CNGA1: variants seen among roughly 807,000 people sequenced by gnomAD.
CNGA1 encodes cyclic nucleotide gated channel subunit alpha 1.
CNGA1 carries 53 observed loss-of-function variants against 69.7 expected under a neutral mutation model. The observed-to-expected ratio is 0.76, with a 90% CI of 0.61 to 0.96. The LOEUF is 0.96. Ranked by LOEUF, CNGA1 falls within the 40% of genes least tolerant of loss-of-function variation. The pLI is 0.00. For synonymous variants in CNGA1, 249 were observed against 283.5 expected (o/e 0.88, Z 1.22); for missense variants, 739 against 811.2 (o/e 0.91, Z 1.08).
At chr4:47,962,435 A>G (rs1202117510) in intron 3 of CNGA1, among the ~76,000 whole-genome samples, 1 of 151,880 alleles carries the variant, frequency 6.6e-6, no homozygotes, top group Non-Finnish European at 1.5e-5. Context: ...AAAAAAAAGT[A>G]TACGTTTTTA....
intron 3 of CNGA1, among the ~76,000 whole-genome samples, chr4:47,976,452 C>T (rs944564809): frequency 1.1e-4 from 16 of 150,764 alleles, no homozygotes; most frequent in African/African-American, 3.4e-4. Flanking sequence ...CTCTTTATAT[C>T]CCCTGAGAGA....
chr4:48,002,573 T>C (rs1028989648), intron 2 of CNGA1, among the ~76,000 whole-genome samples: 3 of 131,606 alleles, frequency 2.3e-5, no homozygotes, highest in African/African-American at 9.6e-5. Context: ...TTGACTGGGG[T>C]GGAGATGAAA....
At chr4:47,977,901 A>G (rs1741499410) in intron 3 of CNGA1, among the ~76,000 whole-genome samples, 1 of 151,244 alleles carries the variant, frequency 6.6e-6, no homozygotes, top group African/African-American at 2.4e-5. Context: ...ATCTCGGCTC[A>G]CTGCAACCTC....
intron 2 of CNGA1, among the ~76,000 whole-genome samples, chr4:47,990,881 C>A (rs2581492): frequency 6.6e-6 from 1 of 152,032 alleles, no homozygotes; most frequent in East Asian, 1.9e-4. Flanking sequence ...CACTTACGAG[C>A]GAGAATATAC....
intron 4 of CNGA1, 97 bp from the exon 5 acceptor site, chr4:47,951,566 T>A (rs1334062283): frequency 1.2e-6 from 1 of 801,140 alleles, no homozygotes; most frequent in African/African-American, 1.7e-5. Flanking sequence ...CCTCACCTCT[T>A]TTCCTTCCCT....
At chr4:47,953,928 T>G (rs1021259066) in intron 3 of CNGA1, among the ~76,000 whole-genome samples, 1 of 148,750 alleles carries the variant, frequency 6.7e-6, no homozygotes, top group African/African-American at 2.5e-5. Flanking sequence ...CCCTCGGACC[T>G]AAGTGAAAAC....
intron 2 of CNGA1, among the ~76,000 whole-genome samples, chr4:48,007,664 T>C (rs974081421): frequency 1.8e-5 from 1 of 54,766 alleles, no homozygotes; most frequent in Non-Finnish European, 5.3e-5. Flanking sequence ...GTAATAACCT[T>C]AACTTAAAAA....
chr4:47,979,460 A>G (rs1741586678), intron 3 of CNGA1, among the ~76,000 whole-genome samples: 1 of 152,212 alleles, frequency 6.6e-6, no homozygotes, highest in Non-Finnish European at 1.5e-5. Flanking sequence ...CTTATAAAAT[A>G]TAGTAGCCCA....
At chr4:47,977,654 GA>G (rs1404953248) in intron 3 of CNGA1, among the ~76,000 whole-genome samples, 1 of 152,024 alleles carries the variant, frequency 6.6e-6, no homozygotes, top group African/African-American at 2.4e-5. Context: ...ATTTTTATTA[GA>G]GTTCATTTAA....
intron 3 of CNGA1, chr4:47,970,993 T>C (rs1348837296): frequency 8.8e-6 from 4 of 453,394 alleles, no homozygotes; most frequent in Non-Finnish European, 1.8e-5. Context: ...CCATCTCTAC[T>C]AAAAATACAA....
Position 47,936,334 on chromosome 4 carries a change from T to G in CNGA1, c.*87A>C. The G allele has an allele frequency of 2.0e-6, 3 of 1,473,848 alleles. No homozygotes were observed. The highest frequency in any genetic ancestry group is 2.8e-6 in the Non-Finnish European group (3 of 1,059,222). The allele number at this position is 1,473,848 out of a possible 1,614,324, so 91.3% of individuals were successfully genotyped here. On this transcript the variant is annotated 3_prime_UTR_variant, in exon 11 of 11. Coordinates refer to ENST00000514170, the MANE Select transcript of CNGA1 (RefSeq NM_001379270.1). ...ATGGAAAAATTTCCCAACTGAGTCT[T>G]CCTCTTCTTTTAAATTTTAGTTGAT... is the stretch of plus-strand genomic sequence containing the variant.
In CNGA1 at chr4:47,936,739, T is replaced by C; in HGVS notation, c.1743A>G (p.Leu581=). 1 of 1,614,098 alleles carries C rather than the reference T, an allele frequency of 6.2e-7. No individual in the cohort carries two copies. The highest frequency in any genetic ancestry group is 8.5e-7 in the Non-Finnish European group (1 of 1,179,946). The change falls in exon 11 of 11, where the codon CTA becomes CTG. Residue 581 remains leucine, a synonymous_variant. Transcript: ENST00000514170. ...CLSKDDLMEA[L]TEYPDAKTML... is the part of the protein sequence containing the mutation. ...TAGTTTTGGCATCTGGGTACTCAGTTAGAGCTTCCATGAGGTCATCTTTTG... is the reference window on the plus strand; with the variant it reads ...TAGTTTTGGCATCTGGGTACTCAGTCAGAGCTTCCATGAGGTCATCTTTTG...
intron 1 of CNGA1, among the ~76,000 whole-genome samples, chr4:48,013,769 G>C (rs983220491): frequency 2.6e-5 from 4 of 152,182 alleles, no homozygotes; most frequent in Admixed American, 1.3e-4. Context: ...GCAAGATGGA[G>C]GATGAATTAC....
chr4:47,942,203 T>C, intron 8 of CNGA1, 55 bp from the exon 9 acceptor site: 1 of 1,111,444 alleles, frequency 9.0e-7, no homozygotes, highest in Non-Finnish European at 1.4e-6. Flanking sequence ...AACATTTTTA[T>C]TTACCATGTT....
chr4:47,983,741 CAAAG>C (rs1741853328), intron 2 of CNGA1, among the ~76,000 whole-genome samples: 1 of 152,098 alleles, frequency 6.6e-6, no homozygotes, highest in African/African-American at 2.4e-5. Flanking sequence ...AACAGACACA[CAAAG>C]AAATTATCAA....
chr4:47,942,583 A>G (rs1454549228), intron 8 of CNGA1, among the ~76,000 whole-genome samples: 1 of 152,136 alleles, frequency 6.6e-6, no homozygotes, highest in Non-Finnish European at 1.5e-5. Context: ...TGGGGTCCCC[A>G]ACCCCCGGGC....
At position 47,993,457 on chromosome 4, in the gene CNGA1, T is replaced by A. The variant is rs573314357; in HGVS notation, c.-122-11957A>T. ...GGAATTTATCCATCTCTTCTAGGTA[T>A]CCTGGTTTATGTGTGTAAAGGCGTT... On this transcript the variant is annotated intron_variant, in intron 2 of 10. Coordinates refer to ENST00000514170, the MANE Select transcript of CNGA1 (RefSeq NM_001379270.1). Among the ~76,000 whole-genome samples, 5 of 152,286 alleles carry A rather than the reference T, an allele frequency of 3.3e-5. No homozygotes were observed. The East Asian group carries it at 9.7e-4, about 29-fold the overall frequency.
intron 10 of CNGA1, among the ~76,000 whole-genome samples, chr4:47,938,395 G>A (rs1163507169): frequency 1.3e-5 from 1 of 75,492 alleles, no homozygotes; most frequent in Non-Finnish European, 2.7e-5. Context: ...GTTACTAAGT[G>A]CATTTTTTTT....
intron 2 of CNGA1, among the ~76,000 whole-genome samples, chr4:48,010,185 GA>G (rs1273297694): frequency 6.6e-6 from 1 of 152,180 alleles, no homozygotes; most frequent in East Asian, 1.9e-4. Context: ...GCTAGAGGGA[GA>G]TTGATGATGG....
Sources: allele counts gnomAD v4.1 joint callset (sites outside exome capture counted in the v4.1 genomes callset), GRCh38; gene constraint gnomAD v4.1.1; transcripts MANE v1.5; gene names NCBI Gene and HGNC (gene_info 2026-07-23, HGNC 2026-07-21).